INPP4B: variants seen among roughly 807,000 people sequenced by gnomAD.
The protein encoded by INPP4B is inositol polyphosphate 4-phosphatase type II.
In INPP4B, 55 loss-of-function variants were observed where a neutral mutation model predicts 122.5. The ratio of observed to expected loss-of-function variants is 0.45; its 90% CI spans 0.36 to 0.56. INPP4B has a LOEUF of 0.56. Ranked by LOEUF, INPP4B falls within the 20% of genes least tolerant of loss-of-function variation. The pLI, the probability that INPP4B is intolerant of heterozygous loss-of-function variation, is 0.00. For missense variants in INPP4B, 1,000 were observed against 1,097.7 expected (o/e 0.91, Z 1.26); for synonymous variants, 403 against 388.7 (o/e 1.04, Z -0.43).
At chr4:142,297,744 C>A (rs541348247) in intron 9 of INPP4B, among the ~76,000 whole-genome samples, 1 of 152,104 alleles carries the variant, frequency 6.6e-6, no homozygotes, top group Admixed American at 6.5e-5. Context: ...GCAAATGCAG[C>A]CTAACACACC....
rs111785144 is a variant in INPP4B, at chr4:142,816,566, AC to A, written c.-254+29642del. Among the ~76,000 whole-genome samples the A allele has an allele frequency of 8.6e-3, 1,310 of 152,162 alleles. 17 individuals are homozygous for A. The highest frequency in any genetic ancestry group is 0.029 in the African/African-American group (1,200 of 41,538). ...TAAATTATTTCTCATCTTAAAAAAA[AC>A]AAATAATAACAATATCCCATGGTGC... On this transcript the variant is annotated intron_variant, in intron 1 of 25. Coordinates refer to ENST00000262992, the MANE Select transcript of INPP4B (RefSeq NM_001101669.3).
chr4:142,627,694 G>A (rs1057172693), intron 2 of INPP4B, among the ~76,000 whole-genome samples: 2 of 151,580 alleles, frequency 1.3e-5, no homozygotes, highest in African/African-American at 4.9e-5. Flanking sequence ...TGTTCATCAA[G>A]GATATTGGTC....
intron 12 of INPP4B, among the ~76,000 whole-genome samples, chr4:142,218,241 C>G (rs1848106951): frequency 6.6e-6 from 1 of 152,012 alleles, no homozygotes; most frequent in Non-Finnish European, 1.5e-5. Context: ...GGCTTTTATC[C>G]CTCCTACCAC....
At chr4:142,479,567 C>T (rs556868533) in intron 2 of INPP4B, among the ~76,000 whole-genome samples, 1 of 152,198 alleles carries the variant, frequency 6.6e-6, no homozygotes, top group East Asian at 1.9e-4. Context: ...ACCTAAATCC[C>T]CATCAACAGT....
intron 2 of INPP4B, among the ~76,000 whole-genome samples, chr4:142,658,124 G>A (rs763105091): frequency 6.6e-6 from 1 of 152,178 alleles, no homozygotes; most frequent in East Asian, 1.9e-4. Flanking sequence ...TGTAAACCAT[G>A]AAGATAACCA....
At chr4:142,046,318 C>G (rs978695646) in intron 25 of INPP4B, among the ~76,000 whole-genome samples, 1 of 152,042 alleles carries the variant, frequency 6.6e-6, no homozygotes, top group Non-Finnish European at 1.5e-5. Flanking sequence ...TTTGTTAAAA[C>G]TAAAATCAAC....
chr4:142,464,205 A>T (rs1260104906), intron 2 of INPP4B, among the ~76,000 whole-genome samples: 3 of 152,176 alleles, frequency 2.0e-5, no homozygotes. Flanking sequence ...ATATGTGTAT[A>T]AAAATGTTAC....
intron 7 of INPP4B, among the ~76,000 whole-genome samples, chr4:142,357,050 C>T (rs1391019646): frequency 2.6e-5 from 4 of 152,058 alleles, no homozygotes; most frequent in Admixed American, 2.6e-4. Context: ...AGGATCTTGC[C>T]AGACCTTGCC....
intron 2 of INPP4B, among the ~76,000 whole-genome samples, chr4:142,467,504 T>A (rs1294533945): frequency 1.3e-5 from 2 of 152,208 alleles, no homozygotes; most frequent in Non-Finnish European, 2.9e-5. Flanking sequence ...TATACCACCA[T>A]TGTATCTTGA....
chr4:142,114,386 T>C (rs951574023), intron 21 of INPP4B, among the ~76,000 whole-genome samples: 2 of 152,092 alleles, frequency 1.3e-5, no homozygotes, highest in Non-Finnish European at 2.9e-5. Flanking sequence ...GTTTTCAAAG[T>C]GACAATTCCA....
intron 10 of INPP4B, among the ~76,000 whole-genome samples, chr4:142,263,639 A>ATATATATAT (rs1741226592): frequency 2.4e-5 from 1 of 41,808 alleles, no homozygotes; most frequent in Non-Finnish European, 6.2e-5. Flanking sequence ...AAATTCGTAA[A>ATATATATAT]ATATATATAT....
intron 1 of INPP4B, among the ~76,000 whole-genome samples, chr4:142,790,985 A>T (rs1776473720): frequency 6.6e-6 from 1 of 152,136 alleles, no homozygotes; most frequent in Non-Finnish European, 1.5e-5. Context: ...CCCACATTTA[A>T]GAACTTCTAA....
intron 2 of INPP4B, among the ~76,000 whole-genome samples, chr4:142,479,079 T>C (rs1046781386): frequency 6.6e-6 from 1 of 151,954 alleles, no homozygotes; most frequent in Non-Finnish European, 1.5e-5. Context: ...CTGACAAAGG[T>C]CTAATATCCA....
At chr4:142,458,619 G>A (rs1169541109) in intron 3 of INPP4B, among the ~76,000 whole-genome samples, 4 of 152,020 alleles carry the variant, frequency 2.6e-5, no homozygotes, top group African/African-American at 9.7e-5. Flanking sequence ...AATAAAAAAA[G>A]GAGCAAACCA....
chr4:142,417,405 G>A (rs745689344), intron 5 of INPP4B, among the ~76,000 whole-genome samples: 7 of 151,976 alleles, frequency 4.6e-5, no homozygotes, highest in South Asian at 2.1e-4. Flanking sequence ...GGTTTGTTAC[G>A]GAGTCTTAGT....
At chr4:142,378,639 T>C (rs954085549) in intron 7 of INPP4B, among the ~76,000 whole-genome samples, 2 of 152,178 alleles carry the variant, frequency 1.3e-5, no homozygotes, top group African/African-American at 4.8e-5. Flanking sequence ...GAGGAGAATA[T>C]GTCTCTGAAT....
intron 2 of INPP4B, among the ~76,000 whole-genome samples, chr4:142,682,913 C>T (rs1580700348): frequency 6.6e-6 from 1 of 151,854 alleles, no homozygotes; most frequent in Admixed American, 6.6e-5. Context: ...GTATATTGTA[C>T]AGTAAATGCA....
chr4:142,201,244 A>C (rs2149446896), intron 14 of INPP4B, among the ~76,000 whole-genome samples: 1 of 152,188 alleles, frequency 6.6e-6, no homozygotes. Context: ...TTTGTTCTCC[A>C]GCTATGGGTA....
intron 10 of INPP4B, among the ~76,000 whole-genome samples, chr4:142,266,443 GAAA>G (rs895764040): frequency 6.6e-6 from 1 of 150,438 alleles, no homozygotes; most frequent in East Asian, 1.9e-4. Context: ...CTGGGAAAAA[GAAA>G]AAAAAATTGA....
Sources: gnomAD v4.1 joint callset for allele counts (sites outside exome capture counted in the v4.1 genomes callset) on GRCh38, gnomAD v4.1.1 for gene constraint, MANE v1.5 for transcripts, NCBI Gene and HGNC (gene_info 2026-07-23, HGNC 2026-07-21) for gene names.